The following PITPNA variants were observed in gnomAD, a reference collection of about 807,000 sequenced individuals.
The protein encoded by PITPNA is phosphatidylinositol transfer protein alpha isoform.
In PITPNA, 13 loss-of-function variants were observed where a neutral mutation model predicts 50.3. The observed-to-expected ratio is 0.26, with a 90% CI of 0.17 to 0.41. PITPNA has a LOEUF of 0.41. PITPNA is among the 10% of genes least tolerant of loss of function. PITPNA has a pLI of 1.00. For missense variants in PITPNA, 207 were observed against 333.4 expected (o/e 0.62, Z 2.95); for synonymous variants, 120 against 119.6 (o/e 1.00, Z -0.02).
chr17:1,529,821 C>A (rs561990407), intron 10 of PITPNA, among the ~76,000 whole-genome samples: 1 of 151,186 alleles, frequency 6.6e-6, no homozygotes, highest in East Asian at 1.9e-4. Flanking sequence ...CACCACTGTA[C>A]TCCAGCCTGG....
At position 1,535,403 on chromosome 17, in the gene PITPNA, G is replaced by A. The variant is rs764403138; in HGVS notation, c.534+38C>T. On this transcript the variant is annotated intron_variant, in intron 8 of 11. Coordinates refer to ENST00000313486, the MANE Select transcript of PITPNA (RefSeq NM_006224.4). ...TCCACAGGGAGCGGCCCACCCACAT[G>A]CTGCCCAGCCCCCTGGCAGTGAAGG... 1.9e-6 allele frequency: 3 copies of A among 1,566,144 alleles called. No homozygotes were observed. In the South Asian group the frequency reaches 3.3e-5, roughly 17 times the overall value.
At chr17:1,553,249 C>T (rs753662978) in intron 2 of PITPNA, 100 bp from the exon 3 acceptor site, 172 of 1,333,468 alleles carry the variant, frequency 1.3e-4, no homozygotes, top group Non-Finnish European at 1.8e-4. Flanking sequence ...TCCCTGGGGT[C>T]TCCTCATGCA....
chr17:1,521,711 C>A (rs1057445387), intron 10 of PITPNA, 66 bp from the exon 11 acceptor site: 1 of 1,372,596 alleles, frequency 7.3e-7, no homozygotes, highest in African/African-American at 1.4e-5. Flanking sequence ...CCTTCTCAGT[C>A]CTGCCCATAG....
Position 1,535,437 on chromosome 17 carries a change from G to T in PITPNA, c.534+4C>A. The T allele has an allele frequency of 6.2e-7, 1 of 1,608,566 alleles. No individual in the cohort carries two copies. The highest frequency in any genetic ancestry group is 1.7e-5 in the Admixed American group (1 of 59,994). On this transcript the variant is annotated splice_donor_region_variant and intron_variant, in intron 8 of 11. Transcript: ENST00000313486. The stretch of plus-strand genomic sequence containing the variant: ...CCCCCTGGCAGTGAAGGTGTGAATG[G>T]TACCTTCCAATTGGGGCCCAAGGGT...
intron 10 of PITPNA, among the ~76,000 whole-genome samples, chr17:1,529,155 A>AGAG (rs56004131): frequency 0.044 from 4,723 of 106,466 alleles, 401 homozygotes; most frequent in African/African-American, 0.17. Context: ...AAAAAAAAAA[A>AGAG]AGAGAGAGAG....
chr17:1,553,764 C>T (rs988366944), intron 2 of PITPNA, among the ~76,000 whole-genome samples: 2 of 152,110 alleles, frequency 1.3e-5, no homozygotes, highest in South Asian at 2.1e-4. Context: ...CTGTGAAATC[C>T]GCAACCTCTA....
chr17:1,546,000 T>C (rs1487454373), intron 4 of PITPNA, among the ~76,000 whole-genome samples: 1 of 145,528 alleles, frequency 6.9e-6, no homozygotes, highest in East Asian at 2.1e-4. Context: ...CGATCTCGGC[T>C]CACTGTAACC....
chr17:1,541,379 C>T (rs924192819), intron 6 of PITPNA, among the ~76,000 whole-genome samples, 187 bp downstream of exon 6: 3 of 152,110 alleles, frequency 2.0e-5, no homozygotes, highest in Non-Finnish European at 4.4e-5. Context: ...TAAAAAGTTC[C>T]GGAGATCACA....
At position 1,518,030 on chromosome 17, in the gene PITPNA, AC is replaced by A. The variant is rs1376602527; in HGVS notation, c.*2530del. On this transcript the variant is annotated 3_prime_UTR_variant, in exon 12 of 12. Transcript: ENST00000313486. ...ATTAGACTGCTTTTTTTCTCAATAT[AC>A]CTGTATTGGAAGATTGAGACAAAAA... is the stretch of plus-strand genomic sequence containing the variant. 2 of 152,632 alleles carry A rather than the reference AC, an allele frequency of 1.3e-5. No homozygotes were observed. The highest frequency in any genetic ancestry group is 2.9e-5 in the Non-Finnish European group (2 of 68,042). 9.5% of individuals were successfully genotyped at this position (152,632 alleles called of 1,614,324 possible).
At chr17:1,548,418 G>A (rs200808748) in intron 3 of PITPNA, 31 bp from the exon 4 acceptor site, 543 of 1,455,062 alleles carry the variant, frequency 3.7e-4, no homozygotes, top group Non-Finnish European at 4.8e-4. Context: ...GGTATAAAGA[G>A]AAATGGTAGA....
chr17:1,524,043 T>C (rs1236941048), intron 10 of PITPNA, among the ~76,000 whole-genome samples: 4 of 105,018 alleles, frequency 3.8e-5, no homozygotes, highest in Admixed American at 1.5e-4. Context: ...TTTTTCTTTT[T>C]TCTTTTTTTT....
chr17:1,558,910 C>T (rs2075754189), intron 1 of PITPNA, among the ~76,000 whole-genome samples: 1 of 152,058 alleles, frequency 6.6e-6, no homozygotes, highest in South Asian at 2.1e-4. Flanking sequence ...CAGGCCTCCA[C>T]CTCACATTCG....
chr17:1,535,763 G>A lies in PITPNA; in HGVS notation c.457-245C>T, dbSNP rs150710124. On this transcript the variant is annotated intron_variant, in intron 7 of 11. Transcript: ENST00000313486. ...GCCAGTGTGAAAGTATCACCAGACT[G>A]TCTGAGCAGGCACATATTTACCGTG... 148 of 523,270 alleles carry A rather than the reference G, an allele frequency of 2.8e-4. 1 individual carries two copies. In the East Asian group the frequency reaches 4.0e-3, roughly 14 times the overall value. The allele number at this position is 523,270 out of a possible 1,614,324, so 32.4% of individuals were successfully genotyped here.
intron 10 of PITPNA, 87 bp from the exon 11 acceptor site, chr17:1,521,732 G>T: frequency 2.7e-6 from 3 of 1,091,446 alleles, no homozygotes; most frequent in Non-Finnish European, 4.2e-6. Context: ...GTGGGGTGGG[G>T]CATATTTTGT....
At chr17:1,552,680 T>C (rs1338771477) in intron 3 of PITPNA, among the ~76,000 whole-genome samples, 1 of 152,186 alleles carries the variant, frequency 6.6e-6, no homozygotes, top group East Asian at 1.9e-4. Flanking sequence ...TGGAAATGAC[T>C]AGAAATATGC....
Position 1,538,879 on chromosome 17 carries a change from A to G in PITPNA, c.446T>C (p.Val149Ala). The change falls in exon 7 of 12, where the codon GTG becomes GCG. Residue 149 changes from valine to alanine, a missense_variant. Transcript: ENST00000313486. ...TTAAACGGATCCTACCTTGCTGAGC[A>G]CTTGGCTTCGATCTGCAATGTCTAT... ...VYIDIADRSQVLSKDYKAEED... is the reference protein window; with the variant it reads ...VYIDIADRSQALSKDYKAEED... 1.2e-6 allele frequency: 2 copies of G among 1,611,836 alleles called. No individual in the cohort carries two copies. The highest frequency in any genetic ancestry group is 1.7e-6 in the Non-Finnish European group (2 of 1,177,984).
At chr17:1,549,384 T>C (rs925762541) in intron 3 of PITPNA, among the ~76,000 whole-genome samples, 1 of 151,140 alleles carries the variant, frequency 6.6e-6, no homozygotes, top group African/African-American at 2.4e-5. Context: ...TGGCTCGATC[T>C]TGGCTCACTG....
At position 1,529,020 on chromosome 17, in the gene PITPNA, C is replaced by T. The variant is rs530297335; in HGVS notation, c.768+5079G>A. Among the ~76,000 whole-genome samples, 826 of 151,774 alleles carry T rather than the reference C, an allele frequency of 5.4e-3. 1 individual carries two copies. Among genetic ancestry groups the T allele is most frequent in the Non-Finnish European group, 9.1e-3 (619 of 67,934 alleles). On this transcript the variant is annotated intron_variant, in intron 10 of 11. Transcript: ENST00000313486. ...GGGCGTGGTGGCGCACACCTGTAAT[C>T]CCAGCTACTTGGGAGGCTGAGGCAG...
At chr17:1,531,057 A>T (rs895142016) in intron 10 of PITPNA, among the ~76,000 whole-genome samples, 1 of 152,150 alleles carries the variant, frequency 6.6e-6, no homozygotes, top group African/African-American at 2.4e-5. Context: ...TCACAGCAAA[A>T]GCCAGGAGGT....
Sources: allele counts gnomAD v4.1 joint callset (sites outside exome capture counted in the v4.1 genomes callset), GRCh38; gene constraint gnomAD v4.1.1; transcripts MANE v1.5; gene names NCBI Gene and HGNC (gene_info 2026-07-23, HGNC 2026-07-21).